Variants in CSMD1 observed in about 807,000 individuals in gnomAD.
The protein encoded by CSMD1 is CUB and sushi domain-containing protein 1.
A neutral mutation model predicts 417.5 loss-of-function variants in CSMD1; 213 were observed. The observed-to-expected ratio is 0.51, with a 90% CI of 0.46 to 0.57. The LOEUF (loss-of-function observed/expected upper bound fraction) is 0.57, where lower values mean the gene tolerates loss of function less well. Ranked by LOEUF, CSMD1 falls within the 20% of genes least tolerant of loss-of-function variation. The pLI is 0.00. For synonymous variants in CSMD1, 2,862 were observed against 1,736.8 expected (o/e 1.65, Z -16.11); for missense variants, 6,923 against 4,529.7 (o/e 1.53, Z -15.17).
At chr8:4,130,477 G>C (rs747229731) in intron 3 of CSMD1, among the ~76,000 whole-genome samples, 20 of 152,172 alleles carry the variant, frequency 1.3e-4, no homozygotes, top group Non-Finnish European at 2.1e-4. Context: ...AAGCTTTTGA[G>C]TGTACCCTGA....
At chr8:4,408,407 C>T (rs191753486) in intron 3 of CSMD1, among the ~76,000 whole-genome samples, 2 of 152,306 alleles carry the variant, frequency 1.3e-5, no homozygotes, top group South Asian at 2.1e-4. Context: ...TGAAAGGATT[C>T]TCCATTGATC....
chr8:4,864,867 G>A (rs1475937819), intron 1 of CSMD1, among the ~76,000 whole-genome samples: 1 of 91,848 alleles, frequency 1.1e-5, no homozygotes. Context: ...TGAAATATTG[G>A]ATTCTACTAC....
intron 2 of CSMD1, among the ~76,000 whole-genome samples, chr8:4,488,205 A>C (rs1801512542): frequency 6.6e-6 from 1 of 152,204 alleles, no homozygotes; most frequent in Non-Finnish European, 1.5e-5. Flanking sequence ...GTTGTTTATA[A>C]TCCAACAACT....
At chr8:4,236,273 A>T (rs1348474333) in intron 3 of CSMD1, among the ~76,000 whole-genome samples, 9 of 152,070 alleles carry the variant, frequency 5.9e-5, no homozygotes, top group Non-Finnish European at 8.8e-5. Context: ...TAATTGGCAC[A>T]CTGATCGGAA....
At chr8:3,924,122 C>T (rs1215853764) in intron 5 of CSMD1, among the ~76,000 whole-genome samples, 1 of 152,158 alleles carries the variant, frequency 6.6e-6, no homozygotes, top group Non-Finnish European at 1.5e-5. Context: ...GCGGGAAAAT[C>T]TGTATCTCTC....
Position 4,784,977 on chromosome 8 carries a change from A to G in CSMD1, c.86-147419T>C, listed in dbSNP as rs149269922. ...AAGTGGTAAAAAAATGCAATACTAA[A>G]ATGGAAGTCCTCAAGTTTTAACTGA... is the stretch of plus-strand genomic sequence containing the variant. On this transcript the variant is annotated intron_variant, in intron 1 of 69. Transcript: ENST00000635120. 4.7e-4 allele frequency among the ~76,000 whole-genome samples: 71 copies of G among 152,334 alleles called. 2 individuals carry two copies. The East Asian group carries it at 0.012, about 26-fold the overall frequency.
intron 25 of CSMD1, among the ~76,000 whole-genome samples, chr8:3,285,636 T>A (rs1388638508): frequency 6.6e-6 from 1 of 151,988 alleles, no homozygotes; most frequent in Non-Finnish European, 1.5e-5. Flanking sequence ...TCACCTCAGG[T>A]GATCCACCTG....
intron 3 of CSMD1, among the ~76,000 whole-genome samples, chr8:4,169,404 T>C (rs1346252076): frequency 2.0e-5 from 3 of 152,124 alleles, no homozygotes; most frequent in Non-Finnish European, 4.4e-5. Flanking sequence ...GCATTGTAAA[T>C]ACTCGTCTTT....
chr8:4,429,070 T>C (rs572780682), intron 2 of CSMD1, among the ~76,000 whole-genome samples: 2 of 151,968 alleles, frequency 1.3e-5, no homozygotes, highest in South Asian at 2.1e-4. Context: ...TACAATACAA[T>C]GTCTCAGTAT....
At chr8:3,814,804 G>T (rs1279063797) in intron 5 of CSMD1, among the ~76,000 whole-genome samples, 3 of 152,110 alleles carry the variant, frequency 2.0e-5, no homozygotes, top group African/African-American at 7.2e-5. Context: ...GTCACGGTGT[G>T]ATTATTTCAA....
intron 3 of CSMD1, among the ~76,000 whole-genome samples, chr8:4,108,901 C>A (rs1030963738): frequency 1.3e-5 from 2 of 152,168 alleles, no homozygotes; most frequent in Admixed American, 6.5e-5. Context: ...AGCCAGAAAT[C>A]ATTTAAAAAA....
intron 1 of CSMD1, among the ~76,000 whole-genome samples, chr8:4,910,802 A>G (rs1805614459): frequency 6.6e-6 from 1 of 152,218 alleles, no homozygotes; most frequent in Admixed American, 6.5e-5. Context: ...ATAGTCATCC[A>G]ATTGATAAAT....
intron 1 of CSMD1, among the ~76,000 whole-genome samples, chr8:4,704,257 C>G (rs973284940): frequency 2.0e-5 from 3 of 152,200 alleles, no homozygotes; most frequent in Admixed American, 2.0e-4. Flanking sequence ...TGTGCTATCC[C>G]CAAGTATACT....
chr8:3,757,536 T>C (rs938528084), intron 5 of CSMD1, among the ~76,000 whole-genome samples: 2 of 152,222 alleles, frequency 1.3e-5, no homozygotes, highest in African/African-American at 4.8e-5. Context: ...AGGTACTAGT[T>C]TGCTGACCCC....
rs183506893 is a variant in CSMD1, at chr8:4,918,264, G to C, written c.85+76068C>G. On this transcript the variant is annotated intron_variant, in intron 1 of 69. Transcript: ENST00000635120. Reference sequence around the variant, plus strand: ...GGCCCCCTCCATGTGCGAAGCATGTGAGCTTTCTGGGACAGACTTATTTTT... The same window carrying C: ...GGCCCCCTCCATGTGCGAAGCATGTCAGCTTTCTGGGACAGACTTATTTTT... Among the ~76,000 whole-genome samples the C allele has an allele frequency of 3.7e-3, 557 of 152,294 alleles. 2 individuals carry two copies. The highest frequency in any genetic ancestry group is 5.1e-3 in the Non-Finnish European group (350 of 68,028).
chr8:3,514,991 T>G (rs1797227471), intron 10 of CSMD1, among the ~76,000 whole-genome samples: 1 of 152,174 alleles, frequency 6.6e-6, no homozygotes, highest in Non-Finnish European at 1.5e-5. Flanking sequence ...AAAACAACAT[T>G]TTATACTGAA....
intron 1 of CSMD1, among the ~76,000 whole-genome samples, chr8:4,699,835 A>G (rs1234899813): frequency 1.3e-5 from 2 of 152,238 alleles, no homozygotes; most frequent in African/African-American, 2.4e-5. Flanking sequence ...TGCAGAGAGT[A>G]CAAGTGAGAT....
chr8:3,986,660 G>A (rs560625173), intron 5 of CSMD1, among the ~76,000 whole-genome samples: 1 of 152,192 alleles, frequency 6.6e-6, no homozygotes, highest in East Asian at 1.9e-4. Flanking sequence ...TATACCATGA[G>A]ATATGAGGGA....
At chr8:3,574,331 C>A (rs1215674778) in intron 10 of CSMD1, among the ~76,000 whole-genome samples, 2 of 152,222 alleles carry the variant, frequency 1.3e-5, no homozygotes, top group Non-Finnish European at 2.9e-5. Context: ...AGCTCTGCCT[C>A]CTGGGTTCAA....
Sources: gnomAD v4.1 joint callset for allele counts (sites outside exome capture counted in the v4.1 genomes callset) on GRCh38, gnomAD v4.1.1 for gene constraint, MANE v1.5 for transcripts, NCBI Gene and HGNC (gene_info 2026-07-23, HGNC 2026-07-21) for gene names.